The following CACNA2D3 variants were observed in gnomAD, a reference collection of about 807,000 sequenced individuals.
CACNA2D3 encodes the protein voltage-dependent calcium channel subunit alpha-2/delta-3.
CACNA2D3 carries 60 observed loss-of-function variants against 160.6 expected under a neutral mutation model. The observed-to-expected ratio is 0.37, with a 90% confidence interval of 0.30 to 0.46. The LOEUF (loss-of-function observed/expected upper bound fraction) is 0.46. Ranked by LOEUF, CACNA2D3 falls within the 20% of genes least tolerant of loss-of-function variation. The pLI is 1.00. For synonymous variants in CACNA2D3, 558 were observed against 492.9 expected (o/e 1.13, Z -1.75); for missense variants, 1,205 against 1,365.0 (o/e 0.88, Z 1.85).
intron 4 of CACNA2D3, among the ~76,000 whole-genome samples, chr3:54,431,386 A>G (rs889559007): frequency 7.9e-5 from 12 of 151,932 alleles, no homozygotes; most frequent in African/African-American, 2.9e-4. Context: ...TATAGAATAT[A>G]TTTGCTATTA....
At chr3:54,310,940 C>T (rs542331263) in intron 2 of CACNA2D3, among the ~76,000 whole-genome samples, 4 of 152,260 alleles carry the variant, frequency 2.6e-5, no homozygotes, top group Admixed American at 1.3e-4. Flanking sequence ...AACATGAGGA[C>T]TTGAACGTGG....
At chr3:54,352,758 A>G (rs964507304) in intron 3 of CACNA2D3, among the ~76,000 whole-genome samples, 1 of 152,264 alleles carries the variant, frequency 6.6e-6, no homozygotes, top group Non-Finnish European at 1.5e-5. Flanking sequence ...ATACACACCA[A>G]TGTTAGCAAC....
At chr3:54,207,395 C>G (rs1419822205) in intron 2 of CACNA2D3, among the ~76,000 whole-genome samples, 1 of 150,638 alleles carries the variant, frequency 6.6e-6, no homozygotes, top group Non-Finnish European at 1.5e-5. Context: ...CCACTGTGTC[C>G]TCTGTGTGAT....
At chr3:54,582,058 T>A (rs1474973194) in intron 9 of CACNA2D3, among the ~76,000 whole-genome samples, 181 bp downstream of exon 9, 1 of 152,236 alleles carries the variant, frequency 6.6e-6, no homozygotes, top group African/African-American at 2.4e-5. Context: ...ATAATTACAT[T>A]GAATTCAAAG....
chr3:54,541,089 A>G (rs188733681), intron 5 of CACNA2D3, among the ~76,000 whole-genome samples: 22 of 152,132 alleles, frequency 1.4e-4, no homozygotes, highest in Admixed American at 8.5e-4. Flanking sequence ...CATCCTGGCT[A>G]ACATGGTGAA....
intron 11 of CACNA2D3, among the ~76,000 whole-genome samples, chr3:54,742,139 C>T (rs1182190975): frequency 6.6e-6 from 1 of 152,144 alleles, no homozygotes; most frequent in Non-Finnish European, 1.5e-5. Flanking sequence ...AGTGCTGGGG[C>T]TGGGTGCGGT....
intron 16 of CACNA2D3, among the ~76,000 whole-genome samples, chr3:54,844,092 T>TACTGGGGACAGCTA (rs1698880860): frequency 6.6e-6 from 1 of 151,832 alleles, no homozygotes; most frequent in Admixed American, 6.6e-5. Context: ...AGGCAGACAG[T>TACTGGGGACAGCTA]AGGTACTGGG....
intron 8 of CACNA2D3, among the ~76,000 whole-genome samples, chr3:54,571,828 T>G (rs1039822189): frequency 6.6e-6 from 1 of 152,174 alleles, no homozygotes; most frequent in African/African-American, 2.4e-5. Context: ...CTTGGGCTAA[T>G]TACTTTAGTC....
chr3:54,854,371 G>A (rs968286287), intron 17 of CACNA2D3, among the ~76,000 whole-genome samples: 1 of 152,218 alleles, frequency 6.6e-6, no homozygotes, highest in Non-Finnish European at 1.5e-5. Context: ...GCAGCGTTGA[G>A]GGGAGGGCTT....
At chr3:54,684,001 A>C (rs1553782688) in intron 11 of CACNA2D3, among the ~76,000 whole-genome samples, 3 of 117,464 alleles carry the variant, frequency 2.6e-5, no homozygotes, top group Admixed American at 1.1e-4. Context: ...ACGGAGTTTC[A>C]CTCATGTAGC....
intron 2 of CACNA2D3, among the ~76,000 whole-genome samples, chr3:54,247,957 G>A (rs148194303): frequency 0.013 from 1,937 of 152,132 alleles, 34 homozygotes; most frequent in African/African-American, 0.043. Context: ...AAATATTCTC[G>A]AAAACACCTA....
chr3:54,391,190 T>C (rs1213534448), intron 4 of CACNA2D3, among the ~76,000 whole-genome samples: 11 of 152,210 alleles, frequency 7.2e-5, no homozygotes, highest in Admixed American at 5.9e-4. Context: ...TTTTCGTTGG[T>C]AAAATAATCA....
At chr3:54,880,330 C>G (rs1699764103) in intron 20 of CACNA2D3, among the ~76,000 whole-genome samples, 1 of 152,220 alleles carries the variant, frequency 6.6e-6, no homozygotes, top group Admixed American at 6.5e-5. Flanking sequence ...GCAAAGAAGC[C>G]TGCAACACAG....
intron 2 of CACNA2D3, among the ~76,000 whole-genome samples, chr3:54,254,773 A>T (rs1387341344): frequency 2.0e-5 from 3 of 152,236 alleles, no homozygotes; most frequent in Non-Finnish European, 4.4e-5. Flanking sequence ...TCAACAAGGA[A>T]GATATGGGAA....
intron 3 of CACNA2D3, among the ~76,000 whole-genome samples, chr3:54,349,068 A>T (rs943648687): frequency 2.0e-5 from 3 of 152,248 alleles, no homozygotes; most frequent in Middle Eastern, 6.8e-3. Context: ...GTAGGAAGTG[A>T]GAGACTCTTG....
chr3:54,747,593 G>C (rs1323412885), intron 11 of CACNA2D3, among the ~76,000 whole-genome samples: 1 of 152,124 alleles, frequency 6.6e-6, no homozygotes, highest in Non-Finnish European at 1.5e-5. Context: ...AAAAGGAAAA[G>C]TGGCTTGCAG....
intron 31 of CACNA2D3, among the ~76,000 whole-genome samples, chr3:55,001,834 C>G (rs1315689850): frequency 6.6e-6 from 1 of 152,166 alleles, no homozygotes; most frequent in African/African-American, 2.4e-5. Context: ...GGAAACGAAG[C>G]CTTTGAAGAG....
intron 9 of CACNA2D3, among the ~76,000 whole-genome samples, chr3:54,599,098 G>A (rs961241505): frequency 2.0e-4 from 31 of 152,112 alleles, no homozygotes; most frequent in African/African-American, 7.5e-4. Flanking sequence ...AGGTGCGGCC[G>A]CCTTGGCTGT....
At chr3:54,964,601 G>A (rs1702100887) in intron 27 of CACNA2D3, among the ~76,000 whole-genome samples, 1 of 152,148 alleles carries the variant, frequency 6.6e-6, no homozygotes. Flanking sequence ...GGGGCTGAAG[G>A]GAGAGAGTGG....
Sources: gnomAD v4.1 joint callset for allele counts (sites outside exome capture counted in the v4.1 genomes callset) on GRCh38, gnomAD v4.1.1 for gene constraint, MANE v1.5 for transcripts, NCBI Gene and HGNC (gene_info 2026-07-23, HGNC 2026-07-21) for gene names.